Variants in SNIP1 observed in about 807,000 individuals in gnomAD.
SNIP1 encodes the protein smad nuclear-interacting protein 1.
SNIP1 carries 23 observed loss-of-function variants against 37.4 expected under a neutral mutation model. The observed-to-expected ratio is 0.61, with a 90% CI of 0.44 to 0.87. The LOEUF (loss-of-function observed/expected upper bound fraction) is 0.87. Among genes scored for constraint, SNIP1 ranks in the 40% least tolerant of loss-of-function variants. SNIP1 has a pLI of 0.00. For synonymous variants in SNIP1, 174 were observed against 200.0 expected, an observed-to-expected ratio of 0.87 and a Z score of 1.10; for missense variants, 459 against 540.4, an observed-to-expected ratio of 0.85 and a Z score of 1.49.
chr1:37,551,579 G>T (rs1346891050), intron 2 of SNIP1, among the ~76,000 whole-genome samples: 13 of 152,132 alleles, frequency 8.5e-5, no homozygotes, highest in Admixed American at 6.5e-5. Context: ...ATCCAATATG[G>T]CTGAGAAAAG....
intron 2 of SNIP1, chr1:37,541,544 C>T (rs2148113309): frequency 6.6e-6 from 1 of 152,418 alleles, no homozygotes; most frequent in Non-Finnish European, 1.5e-5. Context: ...TGCCTGTAAT[C>T]CTAGCTACTC....
chr1:37,544,985 T>C, intron 2 of SNIP1: 4 of 771,074 alleles, frequency 5.2e-6, no homozygotes, highest in Non-Finnish European at 9.4e-6. Flanking sequence ...ATGAGGTGGC[T>C]GAATCTTCTT....
chr1:37,552,797 T>TA (rs1643316230), intron 1 of SNIP1, 50 bp from the exon 2 acceptor site: 12 of 1,483,268 alleles, frequency 8.1e-6, no homozygotes, highest in Non-Finnish European at 1.1e-5. Flanking sequence ...CCTTCCCCCA[T>TA]AAAAATTAGC....
chr1:37,553,001 T>C lies in SNIP1; in HGVS notation c.225-254A>G, dbSNP rs537904612. Among the ~76,000 whole-genome samples, 6 of 152,260 alleles carry C rather than the reference T, an allele frequency of 3.9e-5. No individual in the cohort carries two copies. In the South Asian group the frequency reaches 1.2e-3, roughly 32 times the overall value. On this transcript the variant is annotated intron_variant, in intron 1 of 3. Coordinates refer to ENST00000296215, the MANE Select transcript of SNIP1 (RefSeq NM_024700.4). The stretch of plus-strand genomic sequence containing the variant: ...CTTAATTCCCAACCCTTCAAAAACC[T>C]TTCCTCTCCTACTCCTTGCCATCTC...
At position 37,540,489 on chromosome 1, in the gene SNIP1, GCCA is replaced by G; in HGVS notation, c.591_593del (p.Gly199del). On this transcript the variant is annotated inframe_deletion, in exon 3 of 4. Coordinates refer to ENST00000296215, the MANE Select transcript of SNIP1 (RefSeq NM_024700.4). This position sits in a 1 kb window ranked among gnomAD's most constrained non-coding sequence, Gnocchi z 5.6. Reference sequence around the variant, plus strand: ...GAACCAACTCCTGAGACTCACTGCCGCCACCACCAACGTCATTCCTCTGGCGAT... The same window carrying G: ...GAACCAACTCCTGAGACTCACTGCCGCCACCAACGTCATTCCTCTGGCGAT... 5 of 1,613,958 alleles carry G rather than the reference GCCA, an allele frequency of 3.1e-6. No homozygotes were observed. The highest frequency in any genetic ancestry group is 4.2e-6 in the Non-Finnish European group (5 of 1,179,982).
At chr1:37,553,781 A>C (rs1000022294) in intron 1 of SNIP1, among the ~76,000 whole-genome samples, 7 of 152,198 alleles carry the variant, frequency 4.6e-5, no homozygotes, top group Non-Finnish European at 7.4e-5. Flanking sequence ...ACAAGAATGA[A>C]GGAGTGGGAT....
intron 2 of SNIP1, among the ~76,000 whole-genome samples, chr1:37,548,139 C>T (rs1184501661): frequency 3.6e-5 from 4 of 109,772 alleles, no homozygotes; most frequent in East Asian, 2.7e-4. Flanking sequence ...GGCAACGCAG[C>T]GAGACTCCAT....
At chr1:37,543,975 G>A (rs1054864037) in intron 2 of SNIP1, among the ~76,000 whole-genome samples, 1 of 151,050 alleles carries the variant, frequency 6.6e-6, no homozygotes, top group Non-Finnish European at 1.5e-5. Flanking sequence ...TGGTGAAACC[G>A]TCTCTACTAA....
rs545701091 is a variant in SNIP1 at position 37,538,291 on chromosome 1, G to A, written c.927-279C>T. The stretch of plus-strand genomic sequence containing the variant: ...TGGGAGGCCGAGACGGGCGGATCAC[G>A]AGGTCAGGAGATGGAGACCATCCTG... On this transcript the variant is annotated intron_variant, in intron 3 of 3. Coordinates refer to ENST00000296215, the MANE Select transcript of SNIP1 (RefSeq NM_024700.4). Among the ~76,000 whole-genome samples the A allele has an allele frequency of 4.6e-5, 7 of 152,144 alleles. No homozygotes were observed. The South Asian group carries it at 6.2e-4, about 14-fold the overall frequency.
rs747496092 is a variant in SNIP1, at chr1:37,554,153, C to A, written c.77G>T (p.Gly26Val). 6.6e-5 allele frequency: 106 copies of A among 1,612,686 alleles called. No individual in the cohort carries two copies. Among genetic ancestry groups the A allele is most frequent in the Non-Finnish European group, 8.6e-5 (101 of 1,179,412 alleles). Residue 26 changes from glycine to valine, a missense_variant, in exon 1 of 4, where the codon GGG becomes GTG. Transcript: ENST00000296215. ...HRDGDVVLPA[G>V]VVVKQERLSP... ...GAGACGCTCCTGCTTCACCACCACC[C>A]CCGCCGGCAGCACCACGTCCCCGTC...
At chr1:37,553,810 G>A (rs755432290) in intron 1 of SNIP1, among the ~76,000 whole-genome samples, 196 bp downstream of exon 1, 1 of 152,190 alleles carries the variant, frequency 6.6e-6, no homozygotes, top group Non-Finnish European at 1.5e-5. Context: ...TTAGTCATTA[G>A]GCGTTGAACA....
chr1:37,551,873 G>A (rs191126926), intron 2 of SNIP1, among the ~76,000 whole-genome samples: 23 of 152,286 alleles, frequency 1.5e-4, no homozygotes, highest in African/African-American at 5.1e-4. Context: ...TCCAGCAATT[G>A]TACTCCTGAG....
At chr1:37,538,153 A>C (rs1643121717) in intron 3 of SNIP1, 141 bp from the exon 4 acceptor site, 1 of 1,015,910 alleles carries the variant, frequency 9.8e-7, no homozygotes, top group East Asian at 2.7e-5. Context: ...TAGGGAATCA[A>C]AGAAATCAAG....
intron 2 of SNIP1, among the ~76,000 whole-genome samples, chr1:37,551,655 CAG>C (rs1207087051): frequency 6.6e-6 from 1 of 152,148 alleles, no homozygotes; most frequent in Non-Finnish European, 1.5e-5. Flanking sequence ...AATCCAAGGA[CAG>C]AGGATTTTTT....
At chr1:37,552,616 G>A in intron 2 of SNIP1, 29 bp downstream of exon 2, 1 of 1,556,840 alleles carries the variant, frequency 6.4e-7, no homozygotes. Flanking sequence ...TCTCAATTTG[G>A]ACCCATCAAA....
Position 37,535,422 on chromosome 1 carries a change from T to G in SNIP1, c.*2326A>C, listed in dbSNP as rs1166532069. 1 of 151,412 alleles carries G rather than the reference T, an allele frequency of 6.6e-6. No homozygotes were observed. The highest frequency in any genetic ancestry group is 1.5e-5 in the Non-Finnish European group (1 of 67,920). 9.4% of individuals were successfully genotyped at this position (151,412 alleles called of 1,614,324 possible). A position where few individuals can be genotyped will look rare whatever the true frequency, so the allele number is the denominator to read the frequency against. On this transcript the variant is annotated 3_prime_UTR_variant, in exon 4 of 4. Coordinates refer to ENST00000296215, the MANE Select transcript of SNIP1 (RefSeq NM_024700.4). Reference sequence around the variant, plus strand: ...AAACAAACCAACAAAAAAACCCACCTTCTCAGATATGTGGCATAAAGAATT... The same window carrying G: ...AAACAAACCAACAAAAAAACCCACCGTCTCAGATATGTGGCATAAAGAATT...
At chr1:37,552,101 T>G (rs956186949) in intron 2 of SNIP1, among the ~76,000 whole-genome samples, 1 of 152,190 alleles carries the variant, frequency 6.6e-6, no homozygotes, top group Non-Finnish European at 1.5e-5. Flanking sequence ...AGGATTCTGC[T>G]GAGTGAGAAA....
intron 2 of SNIP1, among the ~76,000 whole-genome samples, chr1:37,548,223 C>T (rs1430289478): frequency 1.3e-5 from 2 of 150,934 alleles, no homozygotes; most frequent in East Asian, 1.9e-4. Context: ...TGTGAATATC[C>T]TTCTGTATAC....
intron 2 of SNIP1, among the ~76,000 whole-genome samples, chr1:37,543,370 T>A (rs184793968): frequency 1.2e-3 from 177 of 152,092 alleles, no homozygotes; most frequent in African/African-American, 3.7e-3. Context: ...CACAAAGACA[T>A]ACATATGAAT....
Sources: allele counts gnomAD v4.1 joint callset (sites outside exome capture counted in the v4.1 genomes callset), GRCh38; gene constraint gnomAD v4.1.1; non-coding constraint Gnocchi (gnomAD v3.1); transcripts MANE v1.5; gene names NCBI Gene and HGNC (gene_info 2026-07-23, HGNC 2026-07-21).